Variants in DLGAP1 observed in about 807,000 individuals in gnomAD.
The protein encoded by DLGAP1 is DLG associated protein 1.
Under a neutral mutation model 90.8 loss-of-function variants are expected in DLGAP1, and 11 were observed. The ratio of observed to expected loss-of-function variants is 0.12; its 90% CI spans 0.08 to 0.20. The LOEUF is 0.20. DLGAP1 is among the 10% of genes least tolerant of loss of function. The pLI is 1.00. For missense variants in DLGAP1, 1,050 were observed against 1,333.8 expected, an observed-to-expected ratio of 0.79 and a Z score of 3.31; for synonymous variants, 558 against 540.7, an observed-to-expected ratio of 1.03 and a Z score of -0.44.
intron 9 of DLGAP1, among the ~76,000 whole-genome samples, chr18:3,564,158 G>A (rs2054304308): frequency 6.6e-6 from 1 of 152,122 alleles, no homozygotes; most frequent in African/African-American, 2.4e-5. Context: ...TGATGTACTG[G>A]GTGAAAGGAA....
intron 2 of DLGAP1, among the ~76,000 whole-genome samples, chr18:4,134,864 A>G (rs1239706304): frequency 6.6e-6 from 1 of 152,114 alleles, no homozygotes; most frequent in Non-Finnish European, 1.5e-5. Flanking sequence ...TGTATTTGTC[A>G]ACACACACAA....
At position 3,909,922 on chromosome 18, in the gene DLGAP1, T is replaced by C. The variant is rs938148146; in HGVS notation, c.-72-29782A>G. 5.9e-5 allele frequency among the ~76,000 whole-genome samples: 9 copies of C among 152,188 alleles called. No homozygotes were observed. The East Asian group carries it at 1.7e-3, about 29-fold the overall frequency. On this transcript the variant is annotated intron_variant, in intron 3 of 12. Transcript: ENST00000315677. ...AAAAATACACTCCCCACAACCTATT[T>C]TTAAGTCAATTTAAGTTCAGGAATC...
chr18:3,831,488 C>T (rs1361773431), intron 4 of DLGAP1, among the ~76,000 whole-genome samples: 3 of 152,116 alleles, frequency 2.0e-5, no homozygotes, highest in African/African-American at 2.4e-5. Context: ...AGTTTCCATC[C>T]ATATGAGCAT....
chr18:3,664,699 G>A (rs138862734), intron 7 of DLGAP1, among the ~76,000 whole-genome samples: 2 of 152,196 alleles, frequency 1.3e-5, no homozygotes, highest in East Asian at 1.9e-4. Context: ...TTTGATTGAC[G>A]CTAGTCTCTA....
intron 1 of DLGAP1, among the ~76,000 whole-genome samples, chr18:4,268,634 C>G (rs2079184649): frequency 6.6e-6 from 1 of 152,154 alleles, no homozygotes; most frequent in Middle Eastern, 3.4e-3. Context: ...TAATTTGCAG[C>G]AAAATATGGC....
intron 2 of DLGAP1, among the ~76,000 whole-genome samples, chr18:4,077,109 A>C (rs2075535401): frequency 6.6e-6 from 1 of 152,180 alleles, no homozygotes; most frequent in Non-Finnish European, 1.5e-5. Context: ...CCAAAGGGTC[A>C]TGGTTAAACA....
chr18:4,173,083 C>T (rs1255408935), intron 1 of DLGAP1, among the ~76,000 whole-genome samples: 1 of 152,190 alleles, frequency 6.6e-6, no homozygotes, highest in Non-Finnish European at 1.5e-5. Context: ...TAGAAATCCA[C>T]ATAATCAGTA....
Position 4,455,146 on chromosome 18 carries a change from G to A in DLGAP1, c.-407C>T, listed in dbSNP as rs1001179681. ...GGGAAGGACTCGAGAGAGGAGCCGA[G>A]GCGGCGGCGGCCGTTCGCGCCGCCT... On this transcript the variant is annotated 5_prime_UTR_variant, in exon 1 of 13. Coordinates refer to ENST00000315677, the MANE Select transcript of DLGAP1 (RefSeq NM_004746.4). 4 of 151,812 alleles carry A rather than the reference G, an allele frequency of 2.6e-5. No homozygotes were observed. The highest frequency in any genetic ancestry group is 2.6e-4 in the Admixed American group (4 of 15,244). 9.4% of individuals were successfully genotyped at this position (151,812 alleles called of 1,614,324 possible). A position where few individuals can be genotyped will look rare whatever the true frequency, so the allele number is the denominator to read the frequency against.
At chr18:4,031,254 G>A (rs2074791526) in intron 2 of DLGAP1, among the ~76,000 whole-genome samples, 4 of 151,102 alleles carry the variant, frequency 2.6e-5, no homozygotes, top group Middle Eastern at 3.4e-3. Context: ...AGCAAAGTCT[G>A]GTTTGAAAAA....
chr18:4,078,096 G>A (rs1231379434), intron 2 of DLGAP1, among the ~76,000 whole-genome samples: 2 of 152,170 alleles, frequency 1.3e-5, no homozygotes, highest in East Asian at 3.9e-4. Flanking sequence ...TACTCCATGG[G>A]TAAAGGGGAC....
chr18:3,994,365 C>T (rs1005775654), intron 3 of DLGAP1, among the ~76,000 whole-genome samples: 11 of 152,222 alleles, frequency 7.2e-5, no homozygotes, highest in Non-Finnish European at 1.3e-4. Context: ...GGGCTTCCCA[C>T]TGTGCTTGTC....
chr18:4,011,133 G>A (rs938287545), intron 2 of DLGAP1, among the ~76,000 whole-genome samples: 5 of 145,168 alleles, frequency 3.4e-5, no homozygotes, highest in South Asian at 2.2e-4. Flanking sequence ...CCGAGATGGC[G>A]TCATTGCACT....
chr18:3,940,284 C>T (rs561800170), intron 3 of DLGAP1, among the ~76,000 whole-genome samples: 1 of 152,326 alleles, frequency 6.6e-6, no homozygotes, highest in East Asian at 1.9e-4. Flanking sequence ...GTCCTGCCCA[C>T]ATCTTTACTG....
chr18:4,075,087 C>G (rs998419431), intron 2 of DLGAP1, among the ~76,000 whole-genome samples: 1 of 152,140 alleles, frequency 6.6e-6, no homozygotes, highest in Admixed American at 6.6e-5. Flanking sequence ...TACTTTAGAA[C>G]CACTGAAATT....
intron 4 of DLGAP1, among the ~76,000 whole-genome samples, chr18:3,855,675 A>G (rs1307759670): frequency 1.8e-4 from 28 of 152,194 alleles, no homozygotes; most frequent in Admixed American, 1.8e-3. Context: ...GTGTAATGGC[A>G]TGGTCTCGGC....
intron 10 of DLGAP1, among the ~76,000 whole-genome samples, chr18:3,532,542 C>A (rs2052079620): frequency 6.7e-6 from 1 of 149,004 alleles, no homozygotes; most frequent in Admixed American, 6.7e-5. Flanking sequence ...GGCACCATTG[C>A]ACTCCAGCCT....
At position 3,757,172 on chromosome 18, in the gene DLGAP1, G is replaced by C. The variant is rs146459954; in HGVS notation, c.1173-14660C>G. Among the ~76,000 whole-genome samples, 538 of 152,280 alleles carry C rather than the reference G, an allele frequency of 3.5e-3. 7 individuals carry two copies. The highest frequency in any genetic ancestry group is 0.012 in the African/African-American group (516 of 41,552). On this transcript the variant is annotated intron_variant, in intron 5 of 12. Coordinates refer to ENST00000315677, the MANE Select transcript of DLGAP1 (RefSeq NM_004746.4). ...TGCCCGTAACCCCAGCACTTTGGGA[G>C]GCCAAGGCAGGCAGATCACGAGGTC...
intron 2 of DLGAP1, among the ~76,000 whole-genome samples, chr18:4,083,723 G>A (rs1043023831): frequency 4.6e-5 from 7 of 152,110 alleles, no homozygotes; most frequent in African/African-American, 1.7e-4. Context: ...GTGCCCTAGA[G>A]TTAAAATTCC....
chr18:3,583,175 TAC>T (rs2055649521), intron 7 of DLGAP1, among the ~76,000 whole-genome samples: 1 of 142,628 alleles, frequency 7.0e-6, no homozygotes, highest in Admixed American at 6.9e-5. Context: ...CCTACCTACC[TAC>T]CTACCTACCT....
Sources: gnomAD v4.1 joint callset for allele counts (sites outside exome capture counted in the v4.1 genomes callset) on GRCh38, gnomAD v4.1.1 for gene constraint, MANE v1.5 for transcripts, NCBI Gene and HGNC (gene_info 2026-07-23, HGNC 2026-07-21) for gene names.